Variants in MARCHF1 observed in about 807,000 individuals in gnomAD.
MARCHF1 encodes E3 ubiquitin-protein ligase MARCHF1.
Under a neutral mutation model 54.2 loss-of-function variants are expected in MARCHF1, and 40 were observed. The observed-to-expected ratio is 0.74, with a 90% CI of 0.57 to 0.96. The LOEUF is 0.96. MARCHF1 is among the 40% of genes least tolerant of loss of function. The pLI, the probability that MARCHF1 is intolerant of heterozygous loss-of-function variation, is 0.00. For synonymous variants in MARCHF1, 236 were observed against 236.3 expected (o/e 1.00, Z 0.01); for missense variants, 586 against 656.5 (o/e 0.89, Z 1.17).
At chr4:163,746,446 A>G (rs766259516) in intron 4 of MARCHF1, among the ~76,000 whole-genome samples, 6 of 152,154 alleles carry the variant, frequency 3.9e-5, no homozygotes, top group Non-Finnish European at 8.8e-5. Context: ...TTTGACAATT[A>G]TGCATAAAGC....
intron 3 of MARCHF1, among the ~76,000 whole-genome samples, chr4:163,978,725 G>A (rs932466363): frequency 2.0e-5 from 3 of 151,676 alleles, no homozygotes; most frequent in Non-Finnish European, 4.4e-5. Flanking sequence ...CTCTTTTGTT[G>A]TTGTTGTTGT....
intron 4 of MARCHF1, among the ~76,000 whole-genome samples, chr4:163,752,226 T>C (rs1746541648): frequency 6.6e-6 from 1 of 152,144 alleles, no homozygotes; most frequent in Non-Finnish European, 1.5e-5. Context: ...AAAACAAGTA[T>C]AAAATGTTTA....
intron 5 of MARCHF1, among the ~76,000 whole-genome samples, chr4:163,632,673 G>T (rs1560986560): frequency 6.6e-6 from 1 of 152,222 alleles, no homozygotes; most frequent in African/African-American, 2.4e-5. Context: ...CTGGGGGAGG[G>T]GCGCCCACCA....
At chr4:164,095,134 G>A (rs529712459) in intron 2 of MARCHF1, among the ~76,000 whole-genome samples, 2 of 152,174 alleles carry the variant, frequency 1.3e-5, no homozygotes, top group South Asian at 4.1e-4. Context: ...GGAGAAAACA[G>A]AAGTATGAGA....
intron 4 of MARCHF1, among the ~76,000 whole-genome samples, chr4:163,817,354 T>TATAC (rs1243826661): frequency 1.1e-4 from 17 of 151,586 alleles, no homozygotes; most frequent in Admixed American, 1.1e-3. Context: ...CATATACACA[T>TATAC]ATACATACAT....
At chr4:163,711,136 A>C (rs1745094498) in intron 4 of MARCHF1, among the ~76,000 whole-genome samples, 3 of 152,060 alleles carry the variant, frequency 2.0e-5, no homozygotes, top group African/African-American at 7.2e-5. Flanking sequence ...CATTTACAAA[A>C]TCCTTCTCTC....
intron 8 of MARCHF1, chr4:163,556,044 C>T: frequency 2.2e-6 from 1 of 452,928 alleles, no homozygotes; most frequent in South Asian, 1.6e-5. Flanking sequence ...GTTGAAGAAA[C>T]TGAGGCCCAG....
At chr4:163,532,808 T>C (rs1315481993) in intron 9 of MARCHF1, among the ~76,000 whole-genome samples, 1 of 151,896 alleles carries the variant, frequency 6.6e-6, no homozygotes, top group East Asian at 1.9e-4. Context: ...AAACAAGATA[T>C]CATTATATAC....
At chr4:163,713,847 CT>C (rs1344928887) in intron 4 of MARCHF1, among the ~76,000 whole-genome samples, 2 of 152,152 alleles carry the variant, frequency 1.3e-5, no homozygotes, top group Non-Finnish European at 2.9e-5. Flanking sequence ...CTCAATGAAC[CT>C]TGGTCACTTC....
chr4:163,672,402 T>C (rs186314977), intron 5 of MARCHF1, among the ~76,000 whole-genome samples: 16 of 152,220 alleles, frequency 1.1e-4, no homozygotes, highest in Admixed American at 8.5e-4. Context: ...TCTTTAAAAG[T>C]TCCTGGCACA....
At chr4:164,052,718 G>A (rs143640646) in intron 2 of MARCHF1, among the ~76,000 whole-genome samples, 128 of 152,234 alleles carry the variant, frequency 8.4e-4, no homozygotes, top group African/African-American at 3.0e-3. Context: ...GATGCAATTT[G>A]AGCTCATTCA....
intron 3 of MARCHF1, among the ~76,000 whole-genome samples, chr4:163,941,013 C>T (rs554715336): frequency 5.9e-5 from 9 of 152,008 alleles, no homozygotes; most frequent in Admixed American, 2.6e-4. Flanking sequence ...TTGTCTTCCT[C>T]GGAGTTTCCA....
intron 1 of MARCHF1, among the ~76,000 whole-genome samples, chr4:164,244,696 T>G (rs1259836252): frequency 1.3e-5 from 2 of 151,016 alleles, no homozygotes; most frequent in Admixed American, 6.6e-5. Context: ...ATCAACAAAA[T>G]TGATAGACTG....
At chr4:163,714,454 A>T (rs1745199997) in intron 4 of MARCHF1, among the ~76,000 whole-genome samples, 1 of 152,238 alleles carries the variant, frequency 6.6e-6, no homozygotes, top group African/African-American at 2.4e-5. Context: ...TACATGTATT[A>T]TTCTACCACC....
intron 9 of MARCHF1, among the ~76,000 whole-genome samples, chr4:163,541,010 G>C (rs949816681): frequency 1.3e-5 from 2 of 152,120 alleles, no homozygotes; most frequent in African/African-American, 4.8e-5. Context: ...CTGGGCGAGA[G>C]GAGTGAAATC....
At chr4:164,127,644 T>A (rs1448207367) in intron 1 of MARCHF1, among the ~76,000 whole-genome samples, 1 of 152,084 alleles carries the variant, frequency 6.6e-6, no homozygotes, top group East Asian at 1.9e-4. Flanking sequence ...AATAACTCAC[T>A]TATTATAGAA....
chr4:163,912,486 T>G (rs1361965221), intron 3 of MARCHF1, among the ~76,000 whole-genome samples: 1 of 152,178 alleles, frequency 6.6e-6, no homozygotes, highest in Non-Finnish European at 1.5e-5. Flanking sequence ...TAAAAACAGA[T>G]ATGAGTGAAA....
rs140180993 is a variant in MARCHF1, at chr4:164,326,254, G to T, written c.-323+57616C>A. ...TTAAATGCAATGTAAAAGCAGCATG[G>T]GTGTGGTCCCAGTTGCCAGACAATG... is the stretch of plus-strand genomic sequence containing the variant. On this transcript the variant is annotated intron_variant, in intron 1 of 9. Coordinates refer to ENST00000514618, the MANE Select transcript of MARCHF1 (RefSeq NM_001394959.1). Among the ~76,000 whole-genome samples the T allele has an allele frequency of 4.3e-3, 650 of 152,278 alleles. 3 individuals are homozygous for T. Among genetic ancestry groups the T allele is most frequent in the Non-Finnish European group, 6.9e-3 (471 of 68,016 alleles).
chr4:164,337,414 G>T (rs929644183), intron 1 of MARCHF1, among the ~76,000 whole-genome samples: 1 of 152,240 alleles, frequency 6.6e-6, no homozygotes, highest in Non-Finnish European at 1.5e-5. Context: ...TGCCCACAGG[G>T]AGAAGTGACA....
Sources: gnomAD v4.1 joint callset for allele counts (sites outside exome capture counted in the v4.1 genomes callset) on GRCh38, gnomAD v4.1.1 for gene constraint, MANE v1.5 for transcripts, NCBI Gene and HGNC (gene_info 2026-07-23, HGNC 2026-07-21) for gene names.